Variants in KDM4F observed in about 807,000 individuals in gnomAD.
KDM4F encodes probable lysine-specific demethylase 4F.
For synonymous variants in KDM4F, 223 were observed against 184.4 expected (o/e 1.21, Z -1.70); for missense variants, 586 against 496.4 (o/e 1.18, Z -1.71).
chr11:95,050,509 C>A (rs1330841528), exon 1 of KDM4F: 2 of 711,738 alleles, frequency 2.8e-6, no homozygotes, highest in African/African-American at 1.7e-5. Flanking sequence ...GAGGACATAG[C>A]ACTTAGGAGA....
At chr11:95,050,749 G>A (rs534557649) in exon 1 of KDM4F, 5 of 650,504 alleles carry the variant, frequency 7.7e-6, no homozygotes, top group African/African-American at 1.8e-5. Context: ...CGTGGTCGTC[G>A]TCCTCGAGAA....
At chr11:95,050,304 C>A in exon 1 of KDM4F, 1 of 1,376,000 alleles carries the variant, frequency 7.3e-7, no homozygotes, top group Non-Finnish European at 1.0e-6. Flanking sequence ...CTTTGCCACT[C>A]CACGATGGAT....
exon 1 of KDM4F, chr11:95,050,071 G>C: frequency 6.2e-7 from 1 of 1,601,016 alleles, no homozygotes; most frequent in African/African-American, 1.3e-5. Context: ...CCAGAACATG[G>C]TCAGCGCCTG....
chr11:95,050,119 G>C, exon 1 of KDM4F: 1 of 1,564,586 alleles, frequency 6.4e-7, no homozygotes, highest in Non-Finnish European at 8.8e-7. Context: ...GGCAATTCCC[G>C]GGGCTGTGAG....
chr11:95,050,078 C>G (rs1858495814), exon 1 of KDM4F: 9 of 1,597,178 alleles, frequency 5.6e-6, no homozygotes, highest in Non-Finnish European at 7.7e-6. Flanking sequence ...ATGGTCAGCG[C>G]CTGGAATGCC....
chr11:95,050,626 T>C, exon 1 of KDM4F: 1 of 624,858 alleles, frequency 1.6e-6, no homozygotes, highest in African/African-American at 1.8e-5. Flanking sequence ...ACCGATGCTG[T>C]GCCTGGATCT....
chr11:95,050,698 C>A, exon 1 of KDM4F: 1 of 627,826 alleles, frequency 1.6e-6, no homozygotes. Context: ...AGGTGGGGTC[C>A]TTGTCGTGGC....
At chr11:95,050,529 G>A (rs2134139876) in exon 1 of KDM4F, 1 of 701,792 alleles carries the variant, frequency 1.4e-6, no homozygotes, top group South Asian at 1.5e-5. Flanking sequence ...AGCTGCTCTG[G>A]GCCTGAGGCA....
Position 95,049,649 on chromosome 11 carries a change from C to G in KDM4F, c.228C>G (p.Thr76=), listed in dbSNP as rs1858490694. Residue 76 remains threonine, a synonymous_variant, in exon 1 of 1, where the codon ACC becomes ACG. Coordinates refer to ENST00000545950, the Ensembl canonical transcript of KDM4F. ...TAGCCACTCCCCTCCAGCAGGTGAC[C>G]TCTGGGCAGGGAGGTGTGTTTACTC... 5 of 1,598,922 alleles carry G rather than the reference C, an allele frequency of 3.1e-6. No individual in the cohort carries two copies. The South Asian group carries it at 4.4e-5, about 14-fold the overall frequency.
chr11:95,050,690 G>A, exon 1 of KDM4F: 1 of 627,224 alleles, frequency 1.6e-6, no homozygotes, highest in South Asian at 1.9e-5. Flanking sequence ...CCACTGGAAG[G>A]TGGGGTCCTT....
chr11:95,050,422 AAC>A, the KDM4F span: 3 of 840,666 alleles, frequency 3.6e-6, no homozygotes, highest in Non-Finnish European at 6.1e-6. Flanking sequence ...GAGCTCTGGA[AAC>A]ACAGGCAAGA....
exon 1 of KDM4F, chr11:95,050,461 C>A (rs1555105413): frequency 1.3e-6 from 1 of 761,140 alleles, no homozygotes; most frequent in Non-Finnish European, 2.3e-6. Context: ...TACATGGAGC[C>A]CAGGGTTGCA....
chr11:95,049,796 C>A lies in KDM4F; in HGVS notation c.375C>A (p.Ser125Arg), dbSNP rs1207357360. ...ATTTGGAGCAACGATACTGGAAGAG[C>A]CACCCCGGTAATCCACCAATTTATG... The change falls in exon 1 of 1, where the codon AGC becomes AGA. Residue 125 changes from serine to arginine, a missense_variant. Coordinates refer to ENST00000545950, the Ensembl canonical transcript of KDM4F. 7.5e-6 allele frequency: 12 copies of A among 1,594,022 alleles called. No individual in the cohort carries two copies. The African/African-American group carries it at 1.3e-4, about 18-fold the overall frequency.
exon 1 of KDM4F, chr11:95,049,803 G>C (rs553367970): frequency 6.3e-7 from 1 of 1,594,326 alleles, no homozygotes; most frequent in Non-Finnish European, 8.5e-7. Flanking sequence ...GAGCCACCCC[G>C]GTAATCCACC....
chr11:95,049,831 T>A (rs1858493093), exon 1 of KDM4F: 1 of 1,598,474 alleles, frequency 6.3e-7, no homozygotes, highest in African/African-American at 1.3e-5. Flanking sequence ...GGTGCTGATA[T>A]CAGCGGCTCC....
exon 1 of KDM4F, chr11:95,050,638 C>G: frequency 1.6e-6 from 1 of 621,592 alleles, no homozygotes; most frequent in Non-Finnish European, 2.9e-6. Flanking sequence ...CCTGGATCTG[C>G]AATCCAAGCC....
chr11:95,049,998 A>T (rs1858494929), exon 1 of KDM4F: 5 of 1,614,196 alleles, frequency 3.1e-6, no homozygotes, highest in Non-Finnish European at 4.2e-6. Context: ...CACGGAGGAC[A>T]TGGACCTTTA....
exon 1 of KDM4F, chr11:95,050,441 T>C: frequency 1.2e-6 from 1 of 800,742 alleles, no homozygotes; most frequent in Non-Finnish European, 2.2e-6. Context: ...AAGACTTGAC[T>C]GTTGTGGATT....
chr11:95,050,355 G>T lies in KDM4F; in HGVS notation c.934G>T (p.Ala312Ser). The T allele has an allele frequency of 4.4e-6, 5 of 1,131,410 alleles. No individual in the cohort carries two copies. The Admixed American group carries it at 8.5e-5, about 19-fold the overall frequency. 70.1% of individuals were successfully genotyped at this position (1,131,410 alleles called of 1,614,324 possible). A position where few individuals can be genotyped will look rare whatever the true frequency, so the allele number is the denominator to read the frequency against. Reference sequence around the variant, plus strand: ...GGCTTCACAGTGTAGCTGTGGCGAGGCGAGAGTGACCTTTTCCATGGATGC... The same window carrying T: ...GGCTTCACAGTGTAGCTGTGGCGAGTCGAGAGTGACCTTTTCCATGGATGC... The change falls in exon 1 of 1, where the codon GCG becomes TCG. Residue 312 changes from alanine (A) to serine (S), a missense_variant. Coordinates refer to ENST00000545950, the Ensembl canonical transcript of KDM4F.
Sources: allele counts gnomAD v4.1 joint callset, GRCh38; gene constraint gnomAD v4.1.1; transcripts MANE v1.5; gene names NCBI Gene and HGNC (gene_info 2026-07-23, HGNC 2026-07-21).